JMJD1C: variants seen among roughly 807,000 people sequenced by gnomAD.
JMJD1C encodes the protein jumonji domain-containing protein 1C.
In JMJD1C, 31 loss-of-function variants were observed where a neutral mutation model predicts 245.3. That is an observed-to-expected ratio of 0.13 (90% CI 0.09 to 0.17). The LOEUF (loss-of-function observed/expected upper bound fraction) is 0.17. Ranked by LOEUF, JMJD1C falls within the 10% of genes least tolerant of loss-of-function variation. The pLI, the probability that JMJD1C is intolerant of heterozygous loss-of-function variation, is 1.00. For synonymous variants in JMJD1C, 1,057 were observed against 1,017.4 expected (o/e 1.04, Z -0.74); for missense variants, 2,691 against 3,000.2 (o/e 0.90, Z 2.41).
rs1036527647 is a variant in JMJD1C at position 63,352,365 on chromosome 10, T to A, written c.333+27953A>T. ...AGTAAACTGGAAGTCTGGCCAGCCA[T>A]GGTAGCTCACGCCTGTAATCTCACC... On this transcript the variant is annotated intron_variant, in intron 2 of 25. Coordinates refer to ENST00000399262, the MANE Select transcript of JMJD1C (RefSeq NM_032776.3). Among the ~76,000 whole-genome samples, 7 of 152,224 alleles carry A rather than the reference T, an allele frequency of 4.6e-5. No homozygotes were observed. In the South Asian group the frequency reaches 1.5e-3, roughly 32 times the overall value.
chr10:63,436,637 T>C (rs1374660873), intron 1 of JMJD1C, among the ~76,000 whole-genome samples: 1 of 152,346 alleles, frequency 6.6e-6, no homozygotes, highest in East Asian at 1.9e-4. Context: ...GATTTCAGTA[T>C]CCACAGTGAT....
chr10:63,296,280 G>A (rs1003955329), intron 2 of JMJD1C, among the ~76,000 whole-genome samples: 1 of 151,914 alleles, frequency 6.6e-6, no homozygotes, highest in Non-Finnish European at 1.5e-5. Flanking sequence ...AAAGTGCTGG[G>A]ATTACAGGCA....
At chr10:63,287,024 A>G (rs1490398549) in intron 2 of JMJD1C, among the ~76,000 whole-genome samples, 1 of 152,196 alleles carries the variant, frequency 6.6e-6, no homozygotes, top group Non-Finnish European at 1.5e-5. Flanking sequence ...CAGCCCTGGC[A>G]ACATAGGGAG....
At chr10:63,345,966 C>A (rs976286169) in intron 2 of JMJD1C, among the ~76,000 whole-genome samples, 2 of 152,082 alleles carry the variant, frequency 1.3e-5, no homozygotes, top group African/African-American at 2.4e-5. Context: ...CCGTGGTTAA[C>A]TTTAAAAAAA....
At chr10:63,475,926 G>A (rs1466829400) in intron 1 of JMJD1C, among the ~76,000 whole-genome samples, 1 of 152,066 alleles carries the variant, frequency 6.6e-6, no homozygotes, top group African/African-American at 2.4e-5. Context: ...AGTTGATAAT[G>A]GGCTGGTAGC....
At chr10:63,199,562 T>C (rs1589128027) in intron 11 of JMJD1C, among the ~76,000 whole-genome samples, 3 of 152,284 alleles carry the variant, frequency 2.0e-5, no homozygotes, top group East Asian at 3.9e-4. Context: ...GTTATAATCT[T>C]TGCCTGAACA....
At chr10:63,437,419 A>T (rs1951119109) in intron 1 of JMJD1C, among the ~76,000 whole-genome samples, 1 of 152,108 alleles carries the variant, frequency 6.6e-6, no homozygotes. Flanking sequence ...GCTATTCTCA[A>T]ATACAGTATC....
At chr10:63,372,077 A>G (rs949896004) in intron 2 of JMJD1C, among the ~76,000 whole-genome samples, 2 of 152,240 alleles carry the variant, frequency 1.3e-5, no homozygotes, top group Admixed American at 1.3e-4. Flanking sequence ...CTGGATATAA[A>G]GGTAATCTTG....
chr10:63,445,431 A>C (rs1001589892), intron 1 of JMJD1C, among the ~76,000 whole-genome samples: 2 of 152,158 alleles, frequency 1.3e-5, no homozygotes, highest in Non-Finnish European at 2.9e-5. Flanking sequence ...TGGGGAAAAA[A>C]TTCTAGACAG....
chr10:63,408,204 C>T (rs1949279665), intron 1 of JMJD1C, among the ~76,000 whole-genome samples: 2 of 151,990 alleles, frequency 1.3e-5, no homozygotes, highest in Admixed American at 6.6e-5. Flanking sequence ...GAGATCAAGA[C>T]CATCCTGGCT....
At chr10:63,484,655 AG>A (rs1415680246) in intron 1 of JMJD1C, among the ~76,000 whole-genome samples, 1 of 152,036 alleles carries the variant, frequency 6.6e-6, no homozygotes, top group Non-Finnish European at 1.5e-5. Context: ...TTAAAAAAAA[AG>A]GCAAGAATAG....
intron 2 of JMJD1C, among the ~76,000 whole-genome samples, chr10:63,275,724 A>G (rs77064104): frequency 0.078 from 11,904 of 152,238 alleles, 702 homozygotes; most frequent in East Asian, 0.29. Flanking sequence ...ACATAATTAT[A>G]TTTGAGAAAA....
intron 2 of JMJD1C, among the ~76,000 whole-genome samples, chr10:63,303,975 G>A (rs1860388274): frequency 6.6e-6 from 1 of 152,138 alleles, no homozygotes; most frequent in South Asian, 2.1e-4. Context: ...TCCCTGAGAA[G>A]CCAGTGTCTG....
In JMJD1C at chr10:63,230,173, G is replaced by C. The variant is rs376136666; in HGVS notation, c.448-10190C>G. The stretch of plus-strand genomic sequence containing the variant: ...AGATCACCTGAGATCAGGAGTTCGA[G>C]ACCAGCCTGGCCAACATGGTGAACC... On this transcript the variant is annotated intron_variant, in intron 3 of 25. Coordinates refer to ENST00000399262, the MANE Select transcript of JMJD1C (RefSeq NM_032776.3). 2.0e-5 allele frequency among the ~76,000 whole-genome samples: 3 copies of C among 152,292 alleles called. No homozygotes were observed. In the East Asian group the frequency reaches 5.8e-4, roughly 29 times the overall value.
chr10:63,197,527 C>G lies in JMJD1C; in HGVS notation c.5528G>C (p.Arg1843Pro). The part of the protein sequence containing the change: ...IAWKRAVRGV[R>P]EMCDACEATL... ...TGCTTCACATGCATCACACATCTCC[C>G]GGACTCCTCTCACTGCTCTTTTCCA... The change falls in exon 13 of 26, where the codon CGG (arginine) becomes CCG (proline). Residue 1843 changes from arginine (R) to proline (P), a missense_variant. Physicochemically the swap from Arg to Pro is moderately radical, Grantham distance 103 (BLOSUM62 -2). Around this residue, in one of 9 missense-constraint regions of JMJD1C, gnomAD observed 139 missense variants for 270.5 expected, o/e 0.51. Transcript: ENST00000399262. 6.3e-7 allele frequency: 1 copy of G among 1,595,688 alleles called. No homozygotes were observed. Among genetic ancestry groups the G allele is most frequent in the Non-Finnish European group, 8.5e-7 (1 of 1,174,402 alleles).
At chr10:63,262,823 C>A (rs1372294425) in intron 3 of JMJD1C, among the ~76,000 whole-genome samples, 2 of 4,418 alleles carry the variant, frequency 4.5e-4, no homozygotes, top group African/African-American at 9.8e-3. Context: ...AGTTAGGGTA[C>A]CCCCCCCACT....
chr10:63,321,466 T>C (rs567164888), intron 2 of JMJD1C, among the ~76,000 whole-genome samples: 1 of 152,248 alleles, frequency 6.6e-6, no homozygotes, highest in South Asian at 2.1e-4. Flanking sequence ...AATAATTCAG[T>C]TGGAGGATAT....
At chr10:63,414,200 A>G (rs536170691) in intron 1 of JMJD1C, among the ~76,000 whole-genome samples, 4 of 152,042 alleles carry the variant, frequency 2.6e-5, no homozygotes, top group Admixed American at 2.0e-4. Context: ...GTTAACCAGG[A>G]TGGTCTCGAT....
chr10:63,460,611 A>G (rs1952724151), intron 1 of JMJD1C, among the ~76,000 whole-genome samples: 1 of 152,224 alleles, frequency 6.6e-6, no homozygotes, highest in Non-Finnish European at 1.5e-5. Context: ...TTCCATAAGC[A>G]TTTATGGACA....
Sources: gnomAD v4.1 joint callset for allele counts (sites outside exome capture counted in the v4.1 genomes callset) on GRCh38, gnomAD v4.1.1 for gene constraint, gnomAD v4.1.1 regional missense constraint, MANE v1.5 for transcripts, NCBI Gene and HGNC (gene_info 2026-07-23, HGNC 2026-07-21) for gene names.